Variants in HYAL4 observed in about 807,000 individuals in gnomAD.
HYAL4 encodes hyaluronidase 4.
HYAL4 carries 37 observed loss-of-function variants against 35.2 expected under a neutral mutation model. The ratio of observed to expected loss-of-function variants is 1.05; its 90% CI spans 0.81 to 1.38. HYAL4 has a LOEUF of 1.38. HYAL4 is among the 40% of genes most tolerant of loss of function. HYAL4 has a pLI of 0.00. For missense variants in HYAL4, 572 were observed against 572.4 expected, an observed-to-expected ratio of 1.00 and a Z score of 0.01; for synonymous variants, 198 against 203.2, an observed-to-expected ratio of 0.97 and a Z score of 0.22.
At chr7:123,866,502 T>C (rs1014893661) in intron 2 of HYAL4, among the ~76,000 whole-genome samples, 1 of 152,164 alleles carries the variant, frequency 6.6e-6, no homozygotes, top group Non-Finnish European at 1.5e-5. Context: ...TGGTGCAGAA[T>C]TGACTACTGA....
chr7:123,821,974 T>C, the HYAL4 span, among the ~76,000 whole-genome samples: 1 of 152,214 alleles, frequency 6.6e-6, no homozygotes, highest in Non-Finnish European at 1.5e-5. Flanking sequence ...GGTTTACTTC[T>C]GGACTCTCTA....
At chr7:123,817,757 G>T in the HYAL4 span, among the ~76,000 whole-genome samples, 1 of 151,270 alleles carries the variant, frequency 6.6e-6, no homozygotes, top group African/African-American at 2.4e-5. Context: ...TGATCCACCC[G>T]CCTCAGCCTC....
At chr7:123,802,533 G>A in the HYAL4 span, among the ~76,000 whole-genome samples, 1 of 152,012 alleles carries the variant, frequency 6.6e-6, no homozygotes, top group East Asian at 1.9e-4. Context: ...GTATTCTTTG[G>A]CTACATTTAT....
rs963500904 is a variant in HYAL4 at position 123,869,208 on chromosome 7, C to A, written c.935C>A (p.Pro312His). ...VYTRLGYRDE[P>H]LFFLSKQDLV... ...ACAAGGCTAGGGTACAGAGATGAAC[C>A]TTTATTTTTCCTTTCTAAGGTAAGA... The change falls in exon 3 of 5, where the codon CCT becomes CAT. Residue 312 changes from proline to histidine, a missense_variant. Coordinates refer to ENST00000223026, the MANE Select transcript of HYAL4 (RefSeq NM_012269.3). 1.3e-6 allele frequency: 2 copies of A among 1,598,588 alleles called. No individual in the cohort carries two copies. The highest frequency in any genetic ancestry group is 1.3e-5 in the African/African-American group (1 of 74,340).
At chr7:123,810,147 A>G in the HYAL4 span, among the ~76,000 whole-genome samples, 1 of 152,190 alleles carries the variant, frequency 6.6e-6, no homozygotes, top group Non-Finnish European at 1.5e-5. Flanking sequence ...GCTTTTCCCC[A>G]AATACTAGGT....
intron 3 of HYAL4, among the ~76,000 whole-genome samples, chr7:123,870,512 C>G (rs1806848818): frequency 6.6e-6 from 1 of 151,944 alleles, no homozygotes; most frequent in Non-Finnish European, 1.5e-5. Flanking sequence ...ACCTGTAATC[C>G]CAGCTCTTTG....
chr7:123,799,447 TTAAATTA>T, the HYAL4 span, among the ~76,000 whole-genome samples: 11 of 150,062 alleles, frequency 7.3e-5, no homozygotes, highest in South Asian at 1.7e-3. Context: ...TAAAATAAAA[TTAAATTA>T]TAAATTATAA....
the HYAL4 span, among the ~76,000 whole-genome samples, chr7:123,799,320 A>G: frequency 6.6e-6 from 1 of 151,902 alleles, no homozygotes; most frequent in Admixed American, 6.6e-5. Context: ...AGCTCCTTTT[A>G]AGCCAATATT....
chr7:123,793,541 C>T, the HYAL4 span, among the ~76,000 whole-genome samples: 3 of 152,120 alleles, frequency 2.0e-5, no homozygotes, highest in East Asian at 1.9e-4. Context: ...TCATGGGGGC[C>T]GTTAGCCTCA....
chr7:123,770,440 T>TAAAAAAAAA, the HYAL4 span, among the ~76,000 whole-genome samples: 44 of 118,502 alleles, frequency 3.7e-4, no homozygotes, highest in African/African-American at 3.1e-4. Flanking sequence ...AGACTCCATC[T>TAAAAAAAAA]AAAAAAAAAA....
In HYAL4 at chr7:123,839,723, C is replaced by G. The variant is rs1806022635; in HGVS notation, c.-256-4522C>G. ...CTCATTGTAGTTGTGATTTGCATTT[C>G]TCTGATGACCAGTGATGATGAGAAC... On this transcript the variant is annotated intron_variant, in intron 1 of 4. Transcript: ENST00000489978. Among the ~76,000 whole-genome samples, 3 of 152,222 alleles carry G rather than the reference C, an allele frequency of 2.0e-5. No homozygotes were observed. The South Asian group carries it at 6.2e-4, about 32-fold the overall frequency.
intron 4 of HYAL4, chr7:123,876,184 A>T (rs1450498933): frequency 2.6e-6 from 1 of 388,990 alleles, no homozygotes; most frequent in East Asian, 7.4e-5. Flanking sequence ...ATTGTATTAG[A>T]AGTACAGGAC....
At chr7:123,817,510 C>CTTTTTTTT in the HYAL4 span, among the ~76,000 whole-genome samples, 3 of 122,174 alleles carry the variant, frequency 2.5e-5, no homozygotes, top group Non-Finnish European at 3.3e-5. Context: ...CATTCTTCTT[C>CTTTTTTTT]TTTTTTTTTT....
the HYAL4 span, among the ~76,000 whole-genome samples, chr7:123,777,695 T>G: frequency 4.2e-4 from 64 of 152,146 alleles, no homozygotes; most frequent in African/African-American, 1.5e-3. Flanking sequence ...AATATTTTTT[T>G]TATTTCCATA....
chr7:123,839,809 T>G (rs1806023904), intron 1 of HYAL4, among the ~76,000 whole-genome samples: 1 of 141,000 alleles, frequency 7.1e-6, no homozygotes, highest in Admixed American at 7.4e-5. Flanking sequence ...GTTCATATCC[T>G]TTGCCCACTT....
At chr7:123,866,884 A>G (rs1584924631) in intron 2 of HYAL4, among the ~76,000 whole-genome samples, 1 of 143,556 alleles carries the variant, frequency 7.0e-6, no homozygotes, top group Admixed American at 7.4e-5. Context: ...GCCACCTCCC[A>G]GGTTGAAGCG....
upstream of HYAL4, among the ~76,000 whole-genome samples, chr7:123,843,362 A>C (rs2116918487): frequency 6.6e-6 from 1 of 152,198 alleles, no homozygotes; most frequent in Admixed American, 6.5e-5. Context: ...TTCTGCTGAA[A>C]GATCTGCTGT....
chr7:123,838,084 G>T (rs1012325391), intron 1 of HYAL4, among the ~76,000 whole-genome samples: 3 of 152,098 alleles, frequency 2.0e-5, no homozygotes, highest in African/African-American at 7.2e-5. Flanking sequence ...GATCCCTGAG[G>T]AATTGCCACA....
chr7:123,814,520 G>A, the HYAL4 span: 1 of 152,596 alleles, frequency 6.6e-6, no homozygotes, highest in Non-Finnish European at 1.5e-5. Flanking sequence ...GAGATCAGAA[G>A]AACTTGTTGT....
Sources: allele counts gnomAD v4.1 joint callset (sites outside exome capture counted in the v4.1 genomes callset), GRCh38; gene constraint gnomAD v4.1.1; transcripts MANE v1.5; gene names NCBI Gene and HGNC (gene_info 2026-07-23, HGNC 2026-07-21).